AGBL1: variants seen among roughly 807,000 people sequenced by gnomAD.
The protein encoded by AGBL1 is cytosolic carboxypeptidase 4.
AGBL1 carries 130 observed loss-of-function variants against 118.9 expected under a neutral mutation model. That is an observed-to-expected ratio of 1.09 (90% CI 0.95 to 1.26). The LOEUF (loss-of-function observed/expected upper bound fraction) is 1.26. Ranked by LOEUF, AGBL1 falls within the 50% of genes most tolerant of loss-of-function variation. The pLI is 0.00. For synonymous variants in AGBL1, 555 were observed against 478.9 expected (o/e 1.16, Z -2.08); for missense variants, 1,584 against 1,298.1 (o/e 1.22, Z -3.38).
chr15:86,499,081 G>T lies in AGBL1; in HGVS notation c.2556-23729G>T, dbSNP rs554580272. Among the ~76,000 whole-genome samples, 719 of 151,958 alleles carry T rather than the reference G, an allele frequency of 4.7e-3. 2 individuals carry two copies. Among genetic ancestry groups the T allele is most frequent in the Non-Finnish European group, 7.3e-3 (494 of 67,876 alleles). ...CAATTCCACATTCTGACCAGAAATG[G>T]ATTACAGCTCTGAGCTCATCCTCTC... On this transcript the variant is annotated intron_variant, in intron 18 of 22. Coordinates refer to ENST00000614907, the MANE Select transcript of AGBL1 (RefSeq NM_001386094.1).
chr15:86,759,383 C>A (rs1359755493), intron 22 of AGBL1, among the ~76,000 whole-genome samples: 1 of 152,034 alleles, frequency 6.6e-6, no homozygotes, highest in Non-Finnish European at 1.5e-5. Context: ...TGTTTTCTCA[C>A]TTGTATAATA....
At chr15:86,086,268 ACAGG>A (rs1256785426) in intron 1 of AGBL1, 1 of 152,212 alleles carries the variant, frequency 6.6e-6, no homozygotes, top group Non-Finnish European at 1.5e-5. Flanking sequence ...CAGTTGTGGA[ACAGG>A]CAGCTATGAA....
At chr15:86,751,343 T>G (rs2077848413) in intron 22 of AGBL1, among the ~76,000 whole-genome samples, 1 of 152,032 alleles carries the variant, frequency 6.6e-6, no homozygotes, top group Non-Finnish European at 1.5e-5. Flanking sequence ...AGGTTGAAAC[T>G]AAACCCATTT....
At chr15:86,239,867 T>G (rs1217085472) in intron 6 of AGBL1, among the ~76,000 whole-genome samples, 1 of 152,198 alleles carries the variant, frequency 6.6e-6, no homozygotes, top group African/African-American at 2.4e-5. Flanking sequence ...TGAACTATGC[T>G]GACAGCCTTG....
At chr15:86,365,001 A>ATATATATATATATATATG (rs2080864465) in intron 17 of AGBL1, among the ~76,000 whole-genome samples, 3 of 131,972 alleles carry the variant, frequency 2.3e-5, no homozygotes, top group African/African-American at 3.0e-5. Context: ...ACACACACAT[A>ATATATATATATATATATG]TATATATACA....
chr15:86,959,544 A>G (rs142333985), intron 23 of AGBL1, among the ~76,000 whole-genome samples: 2,760 of 149,580 alleles, frequency 0.018, 71 homozygotes, highest in African/African-American at 0.062. Context: ...TACAACACAC[A>G]CAAACACCCA....
intron 22 of AGBL1, among the ~76,000 whole-genome samples, chr15:86,889,316 TA>T (rs2141552538): frequency 7.3e-6 from 1 of 136,842 alleles, no homozygotes; most frequent in East Asian, 2.3e-4. Context: ...TCGGCAAATC[TA>T]TATTTCTTTC....
chr15:86,894,720 T>C (rs968976508), intron 22 of AGBL1, among the ~76,000 whole-genome samples: 2 of 152,136 alleles, frequency 1.3e-5, no homozygotes, highest in African/African-American at 4.8e-5. Context: ...ACACACAGAA[T>C]TGCTTCTTAC....
At chr15:86,744,874 A>T (rs1401032714) in intron 22 of AGBL1, among the ~76,000 whole-genome samples, 3 of 152,168 alleles carry the variant, frequency 2.0e-5, no homozygotes, top group African/African-American at 7.2e-5. Context: ...CAGGTGCCAG[A>T]TTGGTGTCAT....
chr15:86,681,550 C>A (rs191952561), intron 22 of AGBL1, among the ~76,000 whole-genome samples: 3 of 152,298 alleles, frequency 2.0e-5, no homozygotes, highest in Non-Finnish European at 4.4e-5. Context: ...GTTTCACCAC[C>A]TCTAGGTTGT....
At chr15:86,387,122 C>T (rs2141973309) in intron 17 of AGBL1, among the ~76,000 whole-genome samples, 1 of 152,204 alleles carries the variant, frequency 6.6e-6, no homozygotes. Flanking sequence ...GTGAGTTGTA[C>T]ACAGTTGCAT....
chr15:86,793,351 G>C (rs1018571038), intron 22 of AGBL1, among the ~76,000 whole-genome samples: 3 of 152,170 alleles, frequency 2.0e-5, no homozygotes, highest in African/African-American at 7.2e-5. Flanking sequence ...ATGGTCAATT[G>C]ATTTTGGACA....
At chr15:86,207,194 T>A (rs544826042) in intron 5 of AGBL1, among the ~76,000 whole-genome samples, 1 of 152,370 alleles carries the variant, frequency 6.6e-6, no homozygotes, top group African/African-American at 2.4e-5. Context: ...ACCAGTATCA[T>A]GCTGTTTTGG....
rs76887496 is a variant in AGBL1, at chr15:86,322,615, G to A, written c.2374+27207G>A. ...CTAGTATGCTTTATGAATATTGATT[G>A]TAAGGTGACTATTTATTTGGAACTG... On this transcript the variant is annotated intron_variant, in intron 17 of 22. Transcript: ENST00000614907. 5.9e-3 allele frequency among the ~76,000 whole-genome samples: 892 copies of A among 152,138 alleles called. 10 individuals carry two copies. The highest frequency in any genetic ancestry group is 0.019 in the African/African-American group (783 of 41,496).
intron 18 of AGBL1, among the ~76,000 whole-genome samples, chr15:86,414,241 G>A (rs1324490939): frequency 6.6e-6 from 1 of 152,126 alleles, no homozygotes; most frequent in East Asian, 1.9e-4. Flanking sequence ...CATTATTCAG[G>A]TGATAGGTAT....
intron 22 of AGBL1, among the ~76,000 whole-genome samples, chr15:86,870,826 A>C (rs527979198): frequency 6.6e-6 from 1 of 152,322 alleles, no homozygotes; most frequent in South Asian, 2.1e-4. Context: ...TTACTATTTC[A>C]TCAAAGATGA....
chr15:86,748,446 A>G (rs2077791179), intron 22 of AGBL1, among the ~76,000 whole-genome samples: 1 of 127,000 alleles, frequency 7.9e-6, no homozygotes, highest in Non-Finnish European at 1.6e-5. Context: ...GTTCACTCTG[A>G]TGGTAGTTTC....
chr15:86,831,384 G>A (rs1038198254), intron 22 of AGBL1, among the ~76,000 whole-genome samples: 12 of 152,296 alleles, frequency 7.9e-5, no homozygotes, highest in African/African-American at 2.9e-4. Context: ...TCTCATCTGA[G>A]ACAAGACAAG....
At chr15:86,919,600 A>ATG (rs1555463058), downstream of AGBL1, among the ~76,000 whole-genome samples, 7 of 148,236 alleles carry the variant, frequency 4.7e-5, no homozygotes, top group Non-Finnish European at 1.0e-4. Flanking sequence ...ACACACACAC[A>ATG]CACACACACA....
Sources: allele counts gnomAD v4.1 joint callset (sites outside exome capture counted in the v4.1 genomes callset), GRCh38; gene constraint gnomAD v4.1.1; transcripts MANE v1.5; gene names NCBI Gene and HGNC (gene_info 2026-07-23, HGNC 2026-07-21).